AKIP1: variants seen among roughly 807,000 people sequenced by gnomAD.
AKIP1 encodes A-kinase-interacting protein 1.
Under a neutral mutation model 22.3 loss-of-function variants are expected in AKIP1, and 18 were observed. The observed-to-expected ratio is 0.81, with a 90% CI of 0.56 to 1.19. The LOEUF (loss-of-function observed/expected upper bound fraction) is 1.19. AKIP1 is among the 50% of genes most tolerant of loss of function. The probability of loss-of-function intolerance (pLI) is 0.00; values close to 1 mark genes in which losing one functional copy is unlikely to be tolerated. For missense variants in AKIP1, 287 were observed against 264.6 expected (o/e 1.08, Z -0.59); for synonymous variants, 120 against 102.7 (o/e 1.17, Z -1.02).
rs977631343 is a variant in AKIP1, at chr11:8,919,762, G to A, written c.*282G>A. 1.2e-5 allele frequency: 3 copies of A among 255,600 alleles called. No homozygotes were observed. Among genetic ancestry groups the A allele is most frequent in the South Asian group, 6.6e-5 (1 of 15,062 alleles). 15.8% of individuals were successfully genotyped at this position (255,600 alleles called of 1,614,324 possible). A position where few individuals can be genotyped will look rare whatever the true frequency, so the allele number is the denominator to read the frequency against. On this transcript the variant is annotated 3_prime_UTR_variant, in exon 6 of 6. Coordinates refer to ENST00000309377, the MANE Select transcript of AKIP1 (RefSeq NM_020642.4). ...CACCATTCTCCTGCCTCAGCCTCCC[G>A]AGTAGCTGGCACTACAGGCACCCGC... is the stretch of plus-strand genomic sequence containing the variant.
chr11:8,913,590 C>G (rs868288929), intron 3 of AKIP1, among the ~76,000 whole-genome samples: 1 of 152,224 alleles, frequency 6.6e-6, no homozygotes, highest in Non-Finnish European at 1.5e-5. Context: ...ACAGCAGGCT[C>G]TGGCCTCATG....
At chr11:8,911,266 G>C (rs966742248) in intron 1 of AKIP1, 43 bp downstream of exon 1, 12 of 600,346 alleles carry the variant, frequency 2.0e-5, no homozygotes, top group Admixed American at 9.3e-5. Flanking sequence ...GATGAAAATG[G>C]AAGGGGCGGG....
intron 4 of AKIP1, 56 bp downstream of exon 4, chr11:8,914,986 C>A: frequency 7.2e-7 from 1 of 1,384,786 alleles, no homozygotes; most frequent in Non-Finnish European, 1.0e-6. Flanking sequence ...ATATGACACC[C>A]TATATTCAAG....
rs186947057 is a variant in AKIP1 at position 8,914,972 on chromosome 11, C to T, written c.408+42C>T. 155 of 1,449,774 alleles carry T rather than the reference C, an allele frequency of 1.1e-4. No homozygotes were observed. In the Admixed American group the frequency reaches 1.3e-3, roughly 12 times the overall value. The allele number at this position is 1,449,774 out of a possible 1,614,324, so 89.8% of individuals were successfully genotyped here. On this transcript the variant is annotated intron_variant, in intron 4 of 5. Coordinates refer to ENST00000309377, the MANE Select transcript of AKIP1 (RefSeq NM_020642.4). ...GTCCTGCACCATGCCTTCAGTCTAC[C>T]AAGATATGACACCCTATATTCAAGA...
In AKIP1 at chr11:8,911,606, G is replaced by A. The variant is rs1234674176; in HGVS notation, c.157G>A (p.Ala53Thr). The change falls in exon 2 of 6, where the codon GCC becomes ACC. Residue 53 changes from alanine to threonine, a missense_variant. Transcript: ENST00000309377. ...ERPKGCMGVL[A>T]REAPHLEKQP... ...TCCCAAAGGCTGCATGGGGGTCCTT[G>A]CCCGGGAGGCGCCCCACCTAGAGAA... 2 of 1,604,864 alleles carry A rather than the reference G, an allele frequency of 1.2e-6. No individual in the cohort carries two copies. Among genetic ancestry groups the A allele is most frequent in the Non-Finnish European group, 8.5e-7 (1 of 1,176,986 alleles).
At chr11:8,913,658 A>G (rs1014244344) in intron 3 of AKIP1, among the ~76,000 whole-genome samples, 1 of 152,214 alleles carries the variant, frequency 6.6e-6, no homozygotes, top group Non-Finnish European at 1.5e-5. Context: ...CACAAAGGAG[A>G]TGGAAGAGAA....
At position 8,911,586 on chromosome 11, in the gene AKIP1, A is replaced by C. The variant is rs925226655; in HGVS notation, c.137A>C (p.Lys46Thr). 2 of 1,611,104 alleles carry C rather than the reference A, an allele frequency of 1.2e-6. No homozygotes were observed. Among genetic ancestry groups the C allele is most frequent in the African/African-American group, 1.3e-5 (1 of 74,988 alleles). Reference sequence around the variant, plus strand: ...GACTGGCATGCCCTGGAGCGTCCCAAAGGCTGCATGGGGGTCCTTGCCCGG... The same window carrying C: ...GACTGGCATGCCCTGGAGCGTCCCACAGGCTGCATGGGGGTCCTTGCCCGG... ...AVDWHALERP[K>T]GCMGVLAREA... The change falls in exon 2 of 6, where the codon AAA becomes ACA. Residue 46 changes from lysine (K) to threonine (T), a missense_variant. By Grantham distance (78) the Lys-to-Thr change is moderately conservative. Transcript: ENST00000309377.
intron 1 of AKIP1, 83 bp from the exon 2 acceptor site, chr11:8,911,361 G>C (rs1216954032): frequency 7.7e-7 from 1 of 1,297,438 alleles, no homozygotes; most frequent in Non-Finnish European, 1.1e-6. Context: ...GGAGGTCGAG[G>C]CTGGGGCTCC....
At chr11:8,914,765 G>A in intron 3 of AKIP1, 61 bp from the exon 4 acceptor site, 1 of 1,387,320 alleles carries the variant, frequency 7.2e-7, no homozygotes, top group South Asian at 1.2e-5. Context: ...AAATATCAGG[G>A]TTTTTTGAAA....
At chr11:8,914,706 G>T (rs774417084) in intron 3 of AKIP1, 120 bp from the exon 4 acceptor site, 38 of 681,868 alleles carry the variant, frequency 5.6e-5, no homozygotes, top group Non-Finnish European at 9.5e-5. Flanking sequence ...CAAGAGGGCA[G>T]GTAATTCACC....
At position 8,919,638 on chromosome 11, in the gene AKIP1, G is replaced by A. The variant is rs567859977; in HGVS notation, c.*158G>A. On this transcript the variant is annotated 3_prime_UTR_variant, in exon 6 of 6. Transcript: ENST00000309377. ...TGTCTCTTTCAGTGCTTTTTTGTTT[G>A]TTTGGTTGGTTTTTTTTTGAGACAG... 1.4e-4 allele frequency: 109 copies of A among 801,346 alleles called. No individual in the cohort carries two copies. The African/African-American group carries it at 1.7e-3, about 12-fold the overall frequency. The allele number at this position is 801,346 out of a possible 1,614,324, so 49.6% of individuals were successfully genotyped here.
chr11:8,918,011 T>C (rs2064512820), intron 5 of AKIP1: 1 of 152,410 alleles, frequency 6.6e-6, no homozygotes, highest in Non-Finnish European at 1.5e-5. Context: ...ATTTGGAGTA[T>C]ACTAGAGTTA....
intron 5 of AKIP1, 25 bp downstream of exon 5, chr11:8,917,392 T>G: frequency 6.3e-7 from 1 of 1,582,818 alleles, no homozygotes; most frequent in East Asian, 2.2e-5. Context: ...GCTTACGCAC[T>G]GGGTTTCACC....
intron 3 of AKIP1, among the ~76,000 whole-genome samples, chr11:8,913,032 G>A (rs576473931): frequency 2.9e-4 from 44 of 149,882 alleles, no homozygotes; most frequent in African/African-American, 1.0e-3. Context: ...CCACCACCAC[G>A]CCCAGCTAAT....
At chr11:8,917,681 C>T (rs2064507843) in intron 5 of AKIP1, 1 of 446,578 alleles carries the variant, frequency 2.2e-6, no homozygotes, top group Non-Finnish European at 4.0e-6. Context: ...TGGAATTCCA[C>T]CATCTGTTCA....
chr11:8,917,545 T>C, intron 5 of AKIP1, 178 bp downstream of exon 5: 1 of 618,892 alleles, frequency 1.6e-6, no homozygotes, highest in Non-Finnish European at 2.9e-6. Flanking sequence ...GTTTTCTTGG[T>C]ATTCTTCCTT....
intron 4 of AKIP1, among the ~76,000 whole-genome samples, chr11:8,915,234 G>A (rs1330699865): frequency 6.6e-6 from 1 of 151,928 alleles, no homozygotes; most frequent in Non-Finnish European, 1.5e-5. Context: ...TGTGGTGTAT[G>A]CAATGATCGC....
chr11:8,912,463 G>C lies in AKIP1; in HGVS notation c.233G>C (p.Arg78Thr), dbSNP rs924839667. ...QRVLPGEREE[R>T]PPTLSASFRT... The stretch of plus-strand genomic sequence containing the variant: ...CATTTATTCAAATAGAGAGAAGAGA[G>C]ACCCCCAACCCTTAGTGCTTCCTTC... The change falls in exon 3 of 6, where the codon AGA becomes ACA. Residue 78 changes from arginine to threonine, a missense_variant. By Grantham distance (71) the Arg-to-Thr change is moderately conservative. Transcript: ENST00000309377. The C allele has an allele frequency of 3.1e-6, 5 of 1,613,758 alleles. No homozygotes were observed. The highest frequency in any genetic ancestry group is 4.2e-6 in the Non-Finnish European group (5 of 1,179,766).
At chr11:8,916,448 G>A (rs879836705) in intron 4 of AKIP1, among the ~76,000 whole-genome samples, 6 of 152,152 alleles carry the variant, frequency 3.9e-5, no homozygotes, top group Non-Finnish European at 7.3e-5. Flanking sequence ...AGGTGGTGGT[G>A]GTGGTTTCTG....
Sources: gnomAD v4.1 joint callset for allele counts (sites outside exome capture counted in the v4.1 genomes callset) on GRCh38, gnomAD v4.1.1 for gene constraint, MANE v1.5 for transcripts, NCBI Gene and HGNC (gene_info 2026-07-23, HGNC 2026-07-21) for gene names.